GFRA1: variants seen among roughly 807,000 people sequenced by gnomAD.
GFRA1 encodes the protein GDNF family receptor alpha-1.
In GFRA1, 16 loss-of-function variants were observed where a neutral mutation model predicts 51.6. That is an observed-to-expected ratio of 0.31 (90% confidence interval 0.21 to 0.47). GFRA1 has a LOEUF of 0.47. GFRA1 is among the 20% of genes least tolerant of loss of function. GFRA1 has a pLI of 1.00. For missense variants in GFRA1, 530 were observed against 594.3 expected, an observed-to-expected ratio of 0.89 and a Z score of 1.13; for synonymous variants, 270 against 241.3, an observed-to-expected ratio of 1.12 and a Z score of -1.10.
At chr10:116,148,100 G>C (rs1171217038) in intron 5 of GFRA1, among the ~76,000 whole-genome samples, 1 of 148,116 alleles carries the variant, frequency 6.8e-6, no homozygotes, top group Admixed American at 6.7e-5. Flanking sequence ...ATGCGTGTGT[G>C]CATGCATGGG....
chr10:116,191,313 G>A (rs368547072), intron 5 of GFRA1, among the ~76,000 whole-genome samples: 1 of 152,126 alleles, frequency 6.6e-6, no homozygotes, highest in African/African-American at 2.4e-5. Context: ...CTAGAGCCTC[G>A]GCTCTGTTCT....
chr10:116,144,287 T>C lies in GFRA1; in HGVS notation c.434-18730A>G, dbSNP rs1589821935. Among the ~76,000 whole-genome samples, 5 of 120,608 alleles carry C rather than the reference T, an allele frequency of 4.1e-5. No homozygotes were observed. In the Admixed American group the frequency reaches 4.7e-4, roughly 11 times the overall value. The allele number at this position is 120,608 out of a possible 152,430, so 79.1% of individuals were successfully genotyped here. On this transcript the variant is annotated intron_variant, in intron 5 of 10. Coordinates refer to ENST00000355422, the MANE Select transcript of GFRA1 (RefSeq NM_005264.8). ...TATAACAAGTATGTTTCAATAATTCTATCACATTAACTCACTCATTCATTC... is the reference window on the plus strand; with the variant it reads ...TATAACAAGTATGTTTCAATAATTCCATCACATTAACTCACTCATTCATTC...
intron 5 of GFRA1, among the ~76,000 whole-genome samples, chr10:116,192,117 TAAG>T (rs1963323754): frequency 1.3e-5 from 2 of 152,232 alleles, no homozygotes; most frequent in Admixed American, 1.3e-4. Context: ...GTCTGTGACT[TAAG>T]AAGTAATTTA....
intron 9 of GFRA1, among the ~76,000 whole-genome samples, chr10:116,079,312 C>A (rs1955750796): frequency 6.6e-6 from 1 of 152,032 alleles, no homozygotes; most frequent in African/African-American, 2.4e-5. Context: ...TTATGACAGC[C>A]CAAATGGACT....
chr10:116,217,599 C>CT (rs1965647896), intron 4 of GFRA1, among the ~76,000 whole-genome samples: 1 of 152,216 alleles, frequency 6.6e-6, no homozygotes, highest in African/African-American at 2.4e-5. Flanking sequence ...CTGGTTTATG[C>CT]TGCATGTTCA....
rs543520995 is a variant in GFRA1 at position 116,173,654 on chromosome 10, G to A, written c.433+37977C>T. On this transcript the variant is annotated intron_variant, in intron 5 of 10. Transcript: ENST00000355422. ...TCAGAAAGTCTCCTCTATTCTAAACGGAGGCCTAGAAACTGATTCAAAACC... is the reference window on the plus strand; with the variant it reads ...TCAGAAAGTCTCCTCTATTCTAAACAGAGGCCTAGAAACTGATTCAAAACC... Among the ~76,000 whole-genome samples, 8 of 152,214 alleles carry A rather than the reference G, an allele frequency of 5.3e-5. No individual in the cohort carries two copies. The South Asian group carries it at 6.2e-4, about 12-fold the overall frequency.
intron 4 of GFRA1, among the ~76,000 whole-genome samples, chr10:116,254,768 AAG>A (rs1380029677): frequency 2.0e-5 from 3 of 152,208 alleles, no homozygotes; most frequent in Non-Finnish European, 4.4e-5. Context: ...TATTTTCCTA[AAG>A]AGAAACCTTG....
At chr10:116,212,371 T>A (rs1009750608) in intron 4 of GFRA1, among the ~76,000 whole-genome samples, 5 of 151,746 alleles carry the variant, frequency 3.3e-5, no homozygotes, top group African/African-American at 1.2e-4. Flanking sequence ...AATACAAAAA[T>A]TAGCCAGACG....
chr10:116,074,249 G>A (rs956896670), intron 9 of GFRA1, among the ~76,000 whole-genome samples: 10 of 152,148 alleles, frequency 6.6e-5, no homozygotes, highest in African/African-American at 2.4e-4. Context: ...TTTGAACCCA[G>A]TCACTCTGAC....
intron 4 of GFRA1, among the ~76,000 whole-genome samples, chr10:116,214,484 A>C (rs1965426815): frequency 6.6e-6 from 1 of 152,178 alleles, no homozygotes; most frequent in African/African-American, 2.4e-5. Context: ...GAGGAAACTG[A>C]GTCCCAGACA....
intron 5 of GFRA1, among the ~76,000 whole-genome samples, chr10:116,183,023 G>A (rs531395811): frequency 1.6e-4 from 24 of 152,304 alleles, no homozygotes; most frequent in Admixed American, 9.1e-4. Flanking sequence ...ATGTCTGGCT[G>A]GACAGACACA....
chr10:116,128,824 G>A (rs1957984488), intron 5 of GFRA1, among the ~76,000 whole-genome samples: 1 of 150,868 alleles, frequency 6.6e-6, no homozygotes, highest in Admixed American at 6.6e-5. Flanking sequence ...TGCTGTTAAG[G>A]TTTTCCTCTT....
At chr10:116,065,792 T>G (rs1034167625) in intron 9 of GFRA1, among the ~76,000 whole-genome samples, 166 bp from the exon 10 acceptor site, 8 of 152,198 alleles carry the variant, frequency 5.3e-5, no homozygotes, top group Non-Finnish European at 1.0e-4. Flanking sequence ...AATAAAGAGA[T>G]ATCAGGTGAA....
rs372653284 is a variant in GFRA1, at chr10:116,215,243, G to A, written c.419-3598C>T. 4.6e-5 allele frequency among the ~76,000 whole-genome samples: 7 copies of A among 152,224 alleles called. No individual in the cohort carries two copies. The East Asian group carries it at 5.8e-4, about 13-fold the overall frequency. ...ACAAATGATTCATGGACAGACAAACGGGAAATAAAGGAGAAGAAGGCGGTT... is the reference window on the plus strand; with the variant it reads ...ACAAATGATTCATGGACAGACAAACAGGAAATAAAGGAGAAGAAGGCGGTT... On this transcript the variant is annotated intron_variant, in intron 4 of 10. Coordinates refer to ENST00000355422, the MANE Select transcript of GFRA1 (RefSeq NM_005264.8).
chr10:116,072,025 T>C (rs749159554), intron 9 of GFRA1, among the ~76,000 whole-genome samples: 13 of 152,086 alleles, frequency 8.5e-5, no homozygotes, highest in Admixed American at 2.0e-4. Flanking sequence ...GTTTGTATAA[T>C]TGCACTCGGT....
intron 5 of GFRA1, among the ~76,000 whole-genome samples, chr10:116,191,630 C>G (rs17094342): frequency 0.16 from 23,670 of 152,216 alleles, 2,052 homozygotes; most frequent in Admixed American, 0.27. Flanking sequence ...CAAATATCCT[C>G]AAAACATTTT....
chr10:116,065,858 C>CTCAATATTAATA (rs1210417064), intron 9 of GFRA1, among the ~76,000 whole-genome samples: 2 of 152,040 alleles, frequency 1.3e-5, no homozygotes, highest in Non-Finnish European at 2.9e-5. Context: ...TCAAAACGTA[C>CTCAATATTAATA]TCAATATTAA....
chr10:116,254,230 GA>G (rs1443205386), intron 4 of GFRA1, among the ~76,000 whole-genome samples: 11 of 147,628 alleles, frequency 7.5e-5, no homozygotes, highest in Non-Finnish European at 1.6e-4. Context: ...GCTGAGGCAG[GA>G]TAATTTCGTG....
intron 4 of GFRA1, among the ~76,000 whole-genome samples, chr10:116,234,136 A>T (rs2134585207): frequency 6.6e-6 from 1 of 152,372 alleles, no homozygotes. Flanking sequence ...CAGCTACTCA[A>T]CTGTCTTTGT....
Sources: gnomAD v4.1 joint callset for allele counts (sites outside exome capture counted in the v4.1 genomes callset) on GRCh38, gnomAD v4.1.1 for gene constraint, MANE v1.5 for transcripts, NCBI Gene and HGNC (gene_info 2026-07-23, HGNC 2026-07-21) for gene names.